The following IREB2 variants were observed in gnomAD, a reference collection of about 807,000 sequenced individuals.
IREB2 encodes the protein iron responsive element binding protein 2, also known as iron-responsive element-binding protein 2.
Under a neutral mutation model 118.8 loss-of-function variants are expected in IREB2, and 39 were observed. The ratio of observed to expected loss-of-function variants is 0.33; its 90% CI spans 0.25 to 0.43. IREB2 has a LOEUF of 0.43. Among genes scored for constraint, IREB2 ranks in the 20% least tolerant of loss-of-function variants. The probability of loss-of-function intolerance (pLI) is 1.00; values close to 1 mark genes in which losing one functional copy is unlikely to be tolerated. For missense variants in IREB2, 900 were observed against 1,147.3 expected, an observed-to-expected ratio of 0.78 and a Z score of 3.11; for synonymous variants, 372 against 392.2, an observed-to-expected ratio of 0.95 and a Z score of 0.61.
intron 2 of IREB2, among the ~76,000 whole-genome samples, chr15:78,455,843 C>G (rs1001280939): frequency 1.3e-5 from 2 of 152,188 alleles, no homozygotes; most frequent in African/African-American, 4.8e-5. Context: ...AGATTTATGA[C>G]AGTCACAGTT....
chr15:78,439,684 A>C, intron 1 of IREB2, 111 bp from the exon 2 acceptor site: 1 of 646,536 alleles, frequency 1.5e-6, no homozygotes, highest in Non-Finnish European at 2.6e-6. Flanking sequence ...CAAACATAGA[A>C]TATTTTTACC....
rs1244943614 is a variant in IREB2, at chr15:78,499,723, T to C, written c.*1580T>C. ...TCTTGATATATGCTGTATATTTATT[T>C]GTTAGTGCATGTGTTTTTAATTTAC... On this transcript the variant is annotated 3_prime_UTR_variant, in exon 22 of 22. Transcript: ENST00000258886. 3 of 152,274 alleles carry C rather than the reference T, an allele frequency of 2.0e-5. No homozygotes were observed. Among genetic ancestry groups the C allele is most frequent in the Non-Finnish European group, 1.5e-5 (1 of 68,048 alleles). 9.4% of individuals were successfully genotyped at this position (152,274 alleles called of 1,614,324 possible).
Position 78,439,829 on chromosome 15 carries a change from TGAC to T in IREB2, c.55_57del (p.Asp19del), listed in dbSNP as rs751319456. On this transcript the variant is annotated inframe_deletion, in exon 2 of 22. Coordinates refer to ENST00000258886, the MANE Select transcript of IREB2 (RefSeq NM_004136.4). ...TTGAGTACCTTATTGAAACATTAAA[TGAC>T]AGTTCACATAAGAAGTTCTTCGATG... The T allele has an allele frequency of 1.3e-6, 2 of 1,599,434 alleles. No individual in the cohort carries two copies. The highest frequency in any genetic ancestry group is 1.7e-6 in the Non-Finnish European group (2 of 1,173,198).
Position 78,488,566 on chromosome 15 carries a change from T to G in IREB2, c.1952-81T>G, listed in dbSNP as rs562662610. 5 of 1,355,304 alleles carry G rather than the reference T, an allele frequency of 3.7e-6. No individual in the cohort carries two copies. The South Asian group carries it at 7.5e-5, about 20-fold the overall frequency. 84.0% of individuals were successfully genotyped at this position (1,355,304 alleles called of 1,614,324 possible). A position where few individuals can be genotyped will look rare whatever the true frequency, so the allele number is the denominator to read the frequency against. On this transcript the variant is annotated intron_variant, in intron 15 of 21. Transcript: ENST00000258886. ...ACCCTGTTGAATCATTTACTTGATT[T>G]CCATGATATGTCTTTGAAAAGGTAT...
At chr15:78,496,072 A>G (rs1210590783) in intron 20 of IREB2, among the ~76,000 whole-genome samples, 6 of 152,186 alleles carry the variant, frequency 3.9e-5, no homozygotes, top group Non-Finnish European at 7.3e-5. Flanking sequence ...CTGAATCTCA[A>G]TCCTTTTCCT....
At chr15:78,471,517 C>G (rs1163308180) in intron 6 of IREB2, among the ~76,000 whole-genome samples, 2 of 152,110 alleles carry the variant, frequency 1.3e-5, no homozygotes, top group Non-Finnish European at 2.9e-5. Flanking sequence ...TGCCATTTGT[C>G]TGGACTTTTT....
At chr15:78,454,961 A>G (rs2051082544) in intron 2 of IREB2, among the ~76,000 whole-genome samples, 1 of 152,112 alleles carries the variant, frequency 6.6e-6, no homozygotes, top group East Asian at 1.9e-4. Context: ...AAGTGCTGGG[A>G]TTACAGGCAT....
chr15:78,489,323 A>G (rs1010156311), intron 16 of IREB2, among the ~76,000 whole-genome samples: 3 of 152,174 alleles, frequency 2.0e-5, no homozygotes, highest in Admixed American at 6.5e-5. Context: ...ACATTTACCT[A>G]TGTAACAAAC....
intron 20 of IREB2, 151 bp from the exon 21 acceptor site, chr15:78,496,975 C>A: frequency 1.6e-6 from 1 of 617,592 alleles, no homozygotes. Flanking sequence ...TAAGAAGGTT[C>A]TGTAAATACT....
Position 78,471,738 on chromosome 15 carries a change from T to C in IREB2, c.700-3T>C, listed in dbSNP as rs1257489160. 1.3e-6 allele frequency: 2 copies of C among 1,579,272 alleles called. No individual in the cohort carries two copies. The highest frequency in any genetic ancestry group is 8.6e-7 in the Non-Finnish European group (1 of 1,160,498). On this transcript the variant is annotated splice_polypyrimidine_tract_variant and splice_region_variant and intron_variant, in intron 6 of 21. Coordinates refer to ENST00000258886, the MANE Select transcript of IREB2 (RefSeq NM_004136.4). ...GTATTTCTTAAATTTAAACAAAATA[T>C]AGTGGAGTTCAAGAGTTTTTAAGAA...
chr15:78,453,913 G>A (rs939189802), intron 2 of IREB2, among the ~76,000 whole-genome samples: 4 of 152,314 alleles, frequency 2.6e-5, no homozygotes, highest in African/African-American at 9.6e-5. Context: ...ATTAGTGCCA[G>A]TTTCTCTGCG....
At chr15:78,469,185 T>C (rs2141484734) in intron 5 of IREB2, among the ~76,000 whole-genome samples, 1 of 152,248 alleles carries the variant, frequency 6.6e-6, no homozygotes, top group Middle Eastern at 3.4e-3. Flanking sequence ...CTTAAGAAGT[T>C]GAGTAGAAAG....
At position 78,439,840 on chromosome 15, in the gene IREB2, A is replaced by G. The variant is rs151288039; in HGVS notation, c.65A>G (p.His22Arg). ...ATTGAAACATTAAATGACAGTTCACATAAGAAGTTCTTCGATGTATCTAAA... is the reference window on the plus strand; with the variant it reads ...ATTGAAACATTAAATGACAGTTCACGTAAGAAGTTCTTCGATGTATCTAAA... ...YLIETLNDSS[H>R]KKFFDVSKLG... is the part of the protein sequence containing the mutation. The change falls in exon 2 of 22, where the codon CAT becomes CGT. Residue 22 changes from histidine to arginine, a missense_variant. Physicochemically the swap from His to Arg is conservative, Grantham distance 29. Coordinates refer to ENST00000258886, the MANE Select transcript of IREB2 (RefSeq NM_004136.4). The G allele has an allele frequency of 6.2e-6, 10 of 1,602,488 alleles. No individual in the cohort carries two copies. The highest frequency in any genetic ancestry group is 1.1e-5 in the South Asian group (1 of 87,910).
At chr15:78,489,435 A>G (rs1355663211) in intron 16 of IREB2, among the ~76,000 whole-genome samples, 4 of 152,218 alleles carry the variant, frequency 2.6e-5, no homozygotes, top group Non-Finnish European at 4.4e-5. Context: ...ACAAAACACA[A>G]AATTCTCCTG....
chr15:78,449,103 T>A (rs1431132049), intron 2 of IREB2, among the ~76,000 whole-genome samples: 1 of 152,168 alleles, frequency 6.6e-6, no homozygotes, highest in Non-Finnish European at 1.5e-5. Context: ...TCACAACATA[T>A]CTTCTAGGTG....
Position 78,438,262 on chromosome 15 carries a change from C to A in IREB2, c.-76C>A. The A allele has an allele frequency of 8.6e-7, 1 of 1,162,174 alleles. No individual in the cohort carries two copies. The highest frequency in any genetic ancestry group is 1.5e-5 in the African/African-American group (1 of 65,926). 72.0% of individuals were successfully genotyped at this position (1,162,174 alleles called of 1,614,324 possible). A position where few individuals can be genotyped will look rare whatever the true frequency, so the allele number is the denominator to read the frequency against. On this transcript the variant is annotated 5_prime_UTR_variant, in exon 1 of 22. Transcript: ENST00000258886. ...CCCTTGCCAGTCCGCCTGTCTTCCT[C>A]CCCGTCTTCCCTGCCCGGCCTCCCC...
intron 2 of IREB2, 64 bp downstream of exon 2, chr15:78,439,945 G>A: frequency 3.0e-6 from 3 of 990,350 alleles, no homozygotes; most frequent in Non-Finnish European, 4.8e-6. Context: ...CATTTGTCAA[G>A]CTGAGCTGAA....
chr15:78,476,201 T>G lies in IREB2; in HGVS notation c.1037T>G (p.Val346Gly). The G allele has an allele frequency of 6.3e-7, 1 of 1,590,930 alleles. No homozygotes were observed. Among genetic ancestry groups the G allele is most frequent in the Non-Finnish European group, 8.6e-7 (1 of 1,162,416 alleles). The change falls in exon 9 of 22, where the codon GTA becomes GGA. Residue 346 changes from valine to glycine, a missense_variant. Transcript: ENST00000258886. ...TTCCTTATATAGCACCTCAGGCAAG[T>G]AGGAGTGGCTGGAAAGTTTGTTGAG... ...VLGITKHLRQVGVAGKFVEFF... is the reference protein window; with the variant it reads ...VLGITKHLRQGGVAGKFVEFF...
chr15:78,452,149 T>C (rs892165446), intron 2 of IREB2, among the ~76,000 whole-genome samples: 4 of 152,144 alleles, frequency 2.6e-5, no homozygotes, highest in Non-Finnish European at 5.9e-5. Flanking sequence ...TTAATGGTGA[T>C]ATTGATAGAA....
Sources: allele counts gnomAD v4.1 joint callset (sites outside exome capture counted in the v4.1 genomes callset), GRCh38; gene constraint gnomAD v4.1.1; transcripts MANE v1.5; gene names NCBI Gene and HGNC (gene_info 2026-07-23, HGNC 2026-07-21).